CYTH3: variants seen among roughly 807,000 people sequenced by gnomAD.
CYTH3 encodes cytohesin 3, also known as cytohesin-3.
CYTH3 carries 23 observed loss-of-function variants against 55.1 expected under a neutral mutation model. That is an observed-to-expected ratio of 0.42 (90% CI 0.30 to 0.59). The LOEUF (loss-of-function observed/expected upper bound fraction) is 0.59. CYTH3 is among the 20% of genes least tolerant of loss of function. The probability of loss-of-function intolerance (pLI) is 0.20; values close to 1 mark genes in which losing one functional copy is unlikely to be tolerated. For missense variants in CYTH3, 413 were observed against 524.8 expected (o/e 0.79, Z 2.08); for synonymous variants, 249 against 194.9 (o/e 1.28, Z -2.31).
chr7:6,196,448 CT>C (rs937497224), intron 1 of CYTH3, among the ~76,000 whole-genome samples: 44 of 135,266 alleles, frequency 3.3e-4, no homozygotes, highest in Middle Eastern at 3.8e-3. Flanking sequence ...CATCTTTTTT[CT>C]TTTTTTCTTT....
chr7:6,212,075 C>T lies in CYTH3; in HGVS notation c.35-21544G>A, dbSNP rs574753090. Reference sequence around the variant, plus strand: ...TGTGCCCATTAACCATCCTTATCTCCCCTTTACCCTTCCCAGCCTCTGGTA... The same window carrying T: ...TGTGCCCATTAACCATCCTTATCTCTCCTTTACCCTTCCCAGCCTCTGGTA... On this transcript the variant is annotated intron_variant, in intron 1 of 12. Transcript: ENST00000350796. Among the ~76,000 whole-genome samples the T allele has an allele frequency of 2.2e-3, 339 of 152,270 alleles. 1 individual carries two copies. The highest frequency in any genetic ancestry group is 3.4e-3 in the Middle Eastern group (1 of 294).
At chr7:6,218,716 T>C (rs554164642) in intron 1 of CYTH3, among the ~76,000 whole-genome samples, 2 of 152,248 alleles carry the variant, frequency 1.3e-5, no homozygotes, top group South Asian at 4.1e-4. Context: ...TGTTAAAAAC[T>C]GTGCCACTTG....
At chr7:6,165,503 CA>C in intron 11 of CYTH3, 41 bp downstream of exon 11, 2 of 1,610,610 alleles carry the variant, frequency 1.2e-6, no homozygotes, top group Non-Finnish European at 1.7e-6. Flanking sequence ...GGATGGCTCC[CA>C]GGTGGCTGGC....
At chr7:6,179,893 C>T (rs1212469544) in intron 4 of CYTH3, among the ~76,000 whole-genome samples, 4 of 142,524 alleles carry the variant, frequency 2.8e-5, no homozygotes, top group Non-Finnish European at 6.2e-5. Flanking sequence ...ACACCACACA[C>T]ACCCACACAC....
At chr7:6,249,236 A>T (rs1343749911) in intron 1 of CYTH3, among the ~76,000 whole-genome samples, 1 of 152,150 alleles carries the variant, frequency 6.6e-6, no homozygotes, top group African/African-American at 2.4e-5. Context: ...TCTCTTGGGG[A>T]TGAAAAAGAT....
chr7:6,183,672 A>G (rs891827067), intron 4 of CYTH3, among the ~76,000 whole-genome samples: 1 of 152,160 alleles, frequency 6.6e-6, no homozygotes, highest in Non-Finnish European at 1.5e-5. Context: ...AGGTAGATAT[A>G]ATTTTGAGTT....
intron 1 of CYTH3, among the ~76,000 whole-genome samples, chr7:6,245,156 C>T (rs979325209): frequency 1.3e-4 from 19 of 151,288 alleles, no homozygotes; most frequent in Middle Eastern, 3.4e-3. Context: ...AAAATTGCTA[C>T]GTGAAGAGAT....
At chr7:6,232,806 C>A (rs1011996981) in intron 1 of CYTH3, among the ~76,000 whole-genome samples, 14 of 152,172 alleles carry the variant, frequency 9.2e-5, no homozygotes, top group African/African-American at 3.4e-4. Flanking sequence ...CCCCCACACC[C>A]TTCCAATGAT....
chr7:6,190,381 C>T (rs1263787680), intron 2 of CYTH3, 68 bp downstream of exon 2: 233 of 985,138 alleles, frequency 2.4e-4, no homozygotes, highest in South Asian at 1.0e-3. Context: ...TGAGGCTACT[C>T]TTTTACTATT....
At chr7:6,259,794 T>TAA (rs60943853) in intron 1 of CYTH3, among the ~76,000 whole-genome samples, 1 of 18,068 alleles carries the variant, frequency 5.5e-5, no homozygotes, top group African/African-American at 5.2e-4. Flanking sequence ...AATATATATA[T>TAA]ATATATATAT....
chr7:6,270,900 T>G (rs1054441566), intron 1 of CYTH3, among the ~76,000 whole-genome samples: 6 of 152,144 alleles, frequency 3.9e-5, no homozygotes, highest in Non-Finnish European at 8.8e-5. Context: ...AATCTTCAAG[T>G]CTACATTTCT....
At chr7:6,177,617 G>T (rs546155540) in intron 5 of CYTH3, among the ~76,000 whole-genome samples, 3 of 152,218 alleles carry the variant, frequency 2.0e-5, no homozygotes, top group Non-Finnish European at 4.4e-5. Context: ...CCCATAATAC[G>T]GTAATGCCTC....
At chr7:6,248,727 A>G (rs1004431352) in intron 1 of CYTH3, among the ~76,000 whole-genome samples, 1 of 152,198 alleles carries the variant, frequency 6.6e-6, no homozygotes, top group Non-Finnish European at 1.5e-5. Flanking sequence ...AGCCAACACC[A>G]CATCTCCATA....
chr7:6,221,346 G>A (rs1784547203), intron 1 of CYTH3, among the ~76,000 whole-genome samples: 1 of 152,172 alleles, frequency 6.6e-6, no homozygotes, highest in African/African-American at 2.4e-5. Flanking sequence ...ATAATTTGAT[G>A]TATGTGACAT....
intron 1 of CYTH3, among the ~76,000 whole-genome samples, chr7:6,234,936 C>T (rs564287315): frequency 1.3e-5 from 2 of 152,272 alleles, no homozygotes; most frequent in African/African-American, 4.8e-5. Flanking sequence ...ATGGTTCTTC[C>T]CCAGCTACTC....
intron 1 of CYTH3, among the ~76,000 whole-genome samples, chr7:6,211,861 T>C (rs1784326304): frequency 6.6e-6 from 1 of 151,912 alleles, no homozygotes; most frequent in East Asian, 1.9e-4. Flanking sequence ...TGGCTTGCAC[T>C]TGTCATCCCA....
At chr7:6,203,450 A>G (rs1294830420) in intron 1 of CYTH3, among the ~76,000 whole-genome samples, 1 of 152,234 alleles carries the variant, frequency 6.6e-6, no homozygotes, top group Non-Finnish European at 1.5e-5. Context: ...AAGGATTATG[A>G]GTCTAGTCAT....
chr7:6,259,934 G>A (rs1253539826), intron 1 of CYTH3, among the ~76,000 whole-genome samples: 3 of 143,074 alleles, frequency 2.1e-5, no homozygotes, highest in South Asian at 2.2e-4. Flanking sequence ...AGGTTCAAGT[G>A]ATTCTCCTGC....
In CYTH3 at chr7:6,192,529, AT is replaced by A. The variant is rs36036670; in HGVS notation, c.35-1999del. ...AGCCACTGTGCCCAGCCACAAGTCA[AT>A]TTTTTTTTTTTTTTTTTTTTGAGAC... On this transcript the variant is annotated intron_variant, in intron 1 of 12. Transcript: ENST00000350796. Among the ~76,000 whole-genome samples the A allele has an allele frequency of 9.5e-3, 1,055 of 111,246 alleles. 5 individuals are homozygous for A. The highest frequency in any genetic ancestry group is 0.035 in the African/African-American group (946 of 27,406). The allele number at this position is 111,246 out of a possible 152,430, so 73.0% of individuals were successfully genotyped here.
Sources: allele counts gnomAD v4.1 joint callset (sites outside exome capture counted in the v4.1 genomes callset), GRCh38; gene constraint gnomAD v4.1.1; transcripts MANE v1.5; gene names NCBI Gene and HGNC (gene_info 2026-07-23, HGNC 2026-07-21).